The following RGS12 variants were observed in gnomAD, a reference collection of about 807,000 sequenced individuals.
RGS12 encodes the protein regulator of G-protein signaling 12.
Under a neutral mutation model 120.1 loss-of-function variants are expected in RGS12, and 66 were observed. The ratio of observed to expected loss-of-function variants is 0.55; its 90% CI spans 0.45 to 0.67. The LOEUF is 0.67. RGS12 is among the 30% of genes least tolerant of loss of function. RGS12 has a pLI of 0.00. For missense variants in RGS12, 1,859 were observed against 1,957.7 expected (o/e 0.95, Z 0.95); for synonymous variants, 827 against 804.7 (o/e 1.03, Z -0.47).
rs1423040023 is a variant in RGS12, at chr4:3,374,249, T to A, written c.1999-12167T>A. On this transcript the variant is annotated intron_variant, in intron 3 of 17. Coordinates refer to ENST00000336727, the MANE Select transcript of RGS12 (RefSeq NM_001394154.1). This position sits in a 1 kb window ranked among gnomAD's most constrained non-coding sequence, Gnocchi z 6.3. ...GCAGGAGCTGCCGAGCTCCGAGTGCTGGGCCAGCTTGCCTTGGGCTTCTGC... is the reference window on the plus strand; with the variant it reads ...GCAGGAGCTGCCGAGCTCCGAGTGCAGGGCCAGCTTGCCTTGGGCTTCTGC... Among the ~76,000 whole-genome samples, 1 of 152,266 alleles carries A rather than the reference T, an allele frequency of 6.6e-6. No homozygotes were observed. The highest frequency in any genetic ancestry group is 1.5e-5 in the Non-Finnish European group (1 of 68,042).
At chr4:3,338,539 G>C (rs975192734) in intron 2 of RGS12, among the ~76,000 whole-genome samples, 30 of 152,238 alleles carry the variant, frequency 2.0e-4, no homozygotes, top group African/African-American at 7.0e-4. Context: ...CTGTAGCCAG[G>C]CAGGTTGATT....
rs1722923190 is a variant in RGS12, at chr4:3,420,691, T to C, written c.2811T>C (p.Ser937=). ...GGLCRRESQG[S]VSSAGSLDLS... The stretch of plus-strand genomic sequence containing the variant: ...TGTGTCGCCGAGAGTCGCAGGGCTC[T>C]GTGTCCTCTGCGGGGAGCCTGGACC... The change falls in exon 10 of 18, where the codon TCT becomes TCC. Residue 937 remains serine (S), a synonymous_variant. Coordinates refer to ENST00000336727, the MANE Select transcript of RGS12 (RefSeq NM_001394154.1). 1 of 1,612,980 alleles carries C rather than the reference T, an allele frequency of 6.2e-7. No individual in the cohort carries two copies. Among genetic ancestry groups the C allele is most frequent in the African/African-American group, 1.3e-5 (1 of 74,960 alleles).
intron 3 of RGS12, chr4:3,378,459 C>T (rs1717919866): frequency 6.6e-6 from 1 of 151,988 alleles, no homozygotes; most frequent in African/African-American, 2.4e-5. Context: ...AAGGAAACAA[C>T]CAACAAAATG....
rs1427583310 is a variant in RGS12 at position 3,309,342 on chromosome 4, C to T, written c.-101-6728C>T. Among the ~76,000 whole-genome samples the T allele has an allele frequency of 2.9e-3, 314 of 108,728 alleles. 1 individual carries two copies. Among genetic ancestry groups the T allele is most frequent in the Admixed American group, 5.4e-3 (52 of 9,606 alleles). The allele number at this position is 108,728 out of a possible 152,430, so 71.3% of individuals were successfully genotyped here. ...AACCGGGTGGGAGAGGAGCTGGGAT[C>T]CGGGAATGGCAGGTGTCCGCTGAGG... On this transcript the variant is annotated intron_variant, in intron 1 of 17. Transcript: ENST00000336727.
intron 3 of RGS12, chr4:3,343,263 C>T: frequency 2.0e-6 from 1 of 508,486 alleles, no homozygotes; most frequent in African/African-American, 1.9e-5. Context: ...ACAGGGCTTT[C>T]TGGGGTGCTC....
intron 4 of RGS12, among the ~76,000 whole-genome samples, chr4:3,394,279 C>A (rs1265883176): frequency 1.3e-5 from 2 of 152,122 alleles, no homozygotes; most frequent in Non-Finnish European, 2.9e-5. Flanking sequence ...TCTTGTGCCT[C>A]AGTCTCTCAA....
In RGS12 at chr4:3,382,591, C is replaced by A. The variant is rs145828937; in HGVS notation, c.1999-3825C>A. ...TAGGTGACGGTCTTCAGGAGTTCTCCACAGTCGTTTTTGAATCTCAGATCC... is the reference window on the plus strand; with the variant it reads ...TAGGTGACGGTCTTCAGGAGTTCTCAACAGTCGTTTTTGAATCTCAGATCC... On this transcript the variant is annotated intron_variant, in intron 3 of 17. Transcript: ENST00000336727. Among the ~76,000 whole-genome samples, 909 of 152,318 alleles carry A rather than the reference C, an allele frequency of 6.0e-3. 10 individuals are homozygous for A. The highest frequency in any genetic ancestry group is 0.021 in the African/African-American group (885 of 41,568).
intron 14 of RGS12, chr4:3,426,583 A>C (rs1055510712): frequency 3.3e-5 from 5 of 152,048 alleles, no homozygotes; most frequent in African/African-American, 4.8e-5. Flanking sequence ...GCTCTTTCCA[A>C]CGTGTTGCCT....
At chr4:3,294,566 G>A (rs969663998) in intron 1 of RGS12, among the ~76,000 whole-genome samples, 2 of 152,236 alleles carry the variant, frequency 1.3e-5, no homozygotes, top group Non-Finnish European at 2.9e-5. Flanking sequence ...CGGGCCCTGC[G>A]TGGTGCCTCA....
intron 4 of RGS12, among the ~76,000 whole-genome samples, chr4:3,405,776 C>T (rs995055732): frequency 6.6e-6 from 1 of 151,930 alleles, no homozygotes; most frequent in African/African-American, 2.4e-5. Context: ...GGAGAATGGG[C>T]GGAAGGGAGA....
At chr4:3,434,815 G>A (rs960274649) in intron 17 of RGS12, among the ~76,000 whole-genome samples, 1 of 152,186 alleles carries the variant, frequency 6.6e-6, no homozygotes, top group Admixed American at 6.5e-5. Context: ...CAAAAAGCCC[G>A]GGAGCTGGGT....
chr4:3,340,209 C>T (rs7660068), intron 2 of RGS12, among the ~76,000 whole-genome samples: 6,010 of 152,280 alleles, frequency 0.039, 159 homozygotes, highest in African/African-American at 0.075. Context: ...TCTGCCGGGG[C>T]CGCACACCTG....
rs1283082346 is a variant in RGS12, at chr4:3,422,410, A to G, written c.2873A>G (p.Asp958Gly). ...TGCAGGACTTTGGCACCCGAGAAGG[A>G]CAAGGCCACCAAGCACTGCTGCATT... ...EACRTLAPEK[D>G]KATKHCCIHL... is the part of the protein sequence containing the mutation. Residue 958 changes from aspartate to glycine, a missense_variant, in exon 11 of 18, where the codon GAC (aspartate) becomes GGC (glycine). By Grantham distance (94) the Asp-to-Gly change is moderately conservative (BLOSUM62 -1). Transcript: ENST00000336727. 3 of 1,612,716 alleles carry G rather than the reference A, an allele frequency of 1.9e-6. No individual in the cohort carries two copies. The highest frequency in any genetic ancestry group is 2.5e-6 in the Non-Finnish European group (3 of 1,179,856).
intron 1 of RGS12, among the ~76,000 whole-genome samples, chr4:3,297,713 T>C (rs998873613): frequency 1.3e-5 from 2 of 152,188 alleles, no homozygotes; most frequent in Non-Finnish European, 2.9e-5. Context: ...CCCTTTGGGA[T>C]TGGAGCCTTC....
At chr4:3,373,403 C>T (rs1024391398) in intron 3 of RGS12, among the ~76,000 whole-genome samples, 4 of 152,174 alleles carry the variant, frequency 2.6e-5, no homozygotes, top group African/African-American at 9.7e-5. Flanking sequence ...GTTTCGGGGG[C>T]GTGCCTGGGC....
At chr4:3,363,246 G>T (rs1715910982) in intron 3 of RGS12, among the ~76,000 whole-genome samples, 1 of 152,098 alleles carries the variant, frequency 6.6e-6, no homozygotes, top group Non-Finnish European at 1.5e-5. Context: ...AAATCCTAGT[G>T]TTTTTGGAAT....
chr4:3,313,286 G>C (rs918179438), intron 1 of RGS12, among the ~76,000 whole-genome samples: 10 of 152,216 alleles, frequency 6.6e-5, no homozygotes, highest in African/African-American at 2.4e-4. Flanking sequence ...CTGTTTGGAA[G>C]AGAAAGCCGA....
intron 1 of RGS12, among the ~76,000 whole-genome samples, chr4:3,311,265 G>A (rs1266232707): frequency 6.6e-6 from 1 of 152,166 alleles, no homozygotes; most frequent in Admixed American, 6.5e-5. Flanking sequence ...CCTCGCTCGG[G>A]GCCTGCTGCA....
intron 6 of RGS12, among the ~76,000 whole-genome samples, chr4:3,415,569 T>TGGCCC (rs1416042363): frequency 6.6e-6 from 1 of 152,192 alleles, no homozygotes; most frequent in African/African-American, 2.4e-5. Context: ...CGCCTTGGCC[T>TGGCCC]GGCCCGGCCT....
Sources: allele counts gnomAD v4.1 joint callset (sites outside exome capture counted in the v4.1 genomes callset), GRCh38; gene constraint gnomAD v4.1.1; non-coding constraint Gnocchi (gnomAD v3.1); transcripts MANE v1.5; gene names NCBI Gene and HGNC (gene_info 2026-07-23, HGNC 2026-07-21).